Variants in SCAF1 observed in about 807,000 individuals in gnomAD.
The protein encoded by SCAF1 is SR-related CTD associated factor 1, also known as splicing factor, arginine/serine-rich 19.
SCAF1 carries 28 observed loss-of-function variants against 91.2 expected under a neutral mutation model. That is an observed-to-expected ratio of 0.31 (90% CI 0.23 to 0.42). The LOEUF is 0.42. Among genes scored for constraint, SCAF1 ranks in the 10% least tolerant of loss-of-function variants. The probability of loss-of-function intolerance (pLI) is 1.00; values close to 1 mark genes in which losing one functional copy is unlikely to be tolerated. For synonymous variants in SCAF1, 1,036 were observed against 833.7 expected, an observed-to-expected ratio of 1.24 and a Z score of -4.18; for missense variants, 1,893 against 1,872.1, an observed-to-expected ratio of 1.01 and a Z score of -0.21.
At chr19:49,644,575 T>C (rs2081043859) in intron 1 of SCAF1, among the ~76,000 whole-genome samples, 1 of 152,144 alleles carries the variant, frequency 6.6e-6, no homozygotes, top group South Asian at 2.1e-4. Context: ...GCCCAGCACA[T>C]TGGCCTTGGG....
rs2081106524 is a variant in SCAF1, at chr19:49,652,666, C to T, written c.2277C>T (p.Ser759=). 2 of 1,563,938 alleles carry T rather than the reference C, an allele frequency of 1.3e-6. No individual in the cohort carries two copies. Among genetic ancestry groups the T allele is most frequent in the Non-Finnish European group, 1.7e-6 (2 of 1,154,382 alleles). Residue 759 remains serine, a synonymous_variant, in exon 7 of 11, where the codon TCC becomes TCT. Transcript: ENST00000360565. ...KDRRRSGAAS[S]SSSSREKGSR... ...GGCGCCGCTCGGGGGCCGCCTCCTC[C>T]TCCTCCTCTTCCCGGGAGAAGGGGT...
rs766474191 is a variant in SCAF1 at position 49,646,596 on chromosome 19, T to A, written c.332T>A (p.Val111Asp). The A allele has an allele frequency of 2.5e-6, 4 of 1,614,084 alleles. No individual in the cohort carries two copies. The highest frequency in any genetic ancestry group is 3.4e-6 in the Non-Finnish European group (4 of 1,180,004). ...GTCCTGGATCCCCCGGATACCTGGG[T>A]TCCCAGCCGCCTGGACCTGCGGCCT... is the stretch of plus-strand genomic sequence containing the variant. Reference protein sequence around the residue: ...VSVLDPPDTWVPSRLDLRPGE... With the variant: ...VSVLDPPDTWDPSRLDLRPGE... The change falls in exon 5 of 11, where the codon GTT becomes GAT. Residue 111 changes from valine (V) to aspartate (D), a missense_variant. By Grantham distance (152) the Val-to-Asp change is radical. Around this residue, in one of 5 missense-constraint regions of SCAF1, gnomAD observed 270 missense variants for 292.5 expected, o/e 0.92. Coordinates refer to ENST00000360565, the MANE Select transcript of SCAF1 (RefSeq NM_021228.3). The surrounding 1 kb of genome is among the most constrained non-coding windows in gnomAD (Gnocchi z 5.6).
Position 49,645,355 on chromosome 19 carries a change from G to A in SCAF1, c.110G>A (p.Arg37Gln), listed in dbSNP as rs755223991. Reference sequence around the variant, plus strand: ...CTTGGTTCTTCCCCCCTTCCCCAGCGAGCCATCCAGCAGGCTGTGGGAAGC... The same window carrying A: ...CTTGGTTCTTCCCCCCTTCCCCAGCAAGCCATCCAGCAGGCTGTGGGAAGC... ...PTLSPSAFIL[R>Q]AIQQAVGSSL... Residue 37 changes from arginine to glutamine, a missense_variant and splice_region_variant, in exon 3 of 11, where the codon CGA (arginine) becomes CAA (glutamine). Physicochemically the swap from Arg to Gln is conservative, Grantham distance 43 (BLOSUM62 1). Transcript: ENST00000360565. The surrounding 1 kb of genome is among the most constrained non-coding windows in gnomAD (Gnocchi z 4.6). 3.7e-6 allele frequency: 6 copies of A among 1,613,960 alleles called. No individual in the cohort carries two copies. The highest frequency in any genetic ancestry group is 1.1e-5 in the South Asian group (1 of 91,082).
Position 49,652,001 on chromosome 19 carries a change from G to A in SCAF1, c.1612G>A (p.Gly538Ser), listed in dbSNP as rs1357340684. The A allele has an allele frequency of 8.3e-7, 1 of 1,198,668 alleles. No individual in the cohort carries two copies. Among genetic ancestry groups the A allele is most frequent in the Non-Finnish European group, 1.0e-6 (1 of 957,510 alleles). The allele number at this position is 1,198,668 out of a possible 1,614,324, so 74.3% of individuals were successfully genotyped here. The change falls in exon 7 of 11, where the codon GGC becomes AGC. Residue 538 changes from glycine (G) to serine (S), a missense_variant. Around this residue, in one of 5 missense-constraint regions of SCAF1, gnomAD observed 1,436 missense variants for 1,306.8 expected, o/e 1.10. Transcript: ENST00000360565. ...EAKEAASSSS[G>S]TQPAPPAPAS... is the part of the protein sequence containing the mutation. ...CAAGGAGGCCGCCTCGTCCTCGTCG[G>A]GCACCCAGCCAGCGCCGCCCGCCCC...
At position 49,646,330 on chromosome 19, in the gene SCAF1, T is replaced by C. The variant is rs1398615541; in HGVS notation, c.261+128T>C. On this transcript the variant is annotated intron_variant, in intron 4 of 10. Coordinates refer to ENST00000360565, the MANE Select transcript of SCAF1 (RefSeq NM_021228.3). This position sits in a 1 kb window ranked among gnomAD's most constrained non-coding sequence, Gnocchi z 5.6. ...GCTCTGCGATGCTGACCAGGGGCAA[T>C]GTTGGAGAGTCTGGGGGCCTGATCT... 1.3e-5 allele frequency: 12 copies of C among 896,860 alleles called. No homozygotes were observed. Among genetic ancestry groups the C allele is most frequent in the Non-Finnish European group, 1.7e-5 (10 of 593,594 alleles). The allele number at this position is 896,860 out of a possible 1,614,324, so 55.6% of individuals were successfully genotyped here. A position where few individuals can be genotyped will look rare whatever the true frequency, so the allele number is the denominator to read the frequency against.
At chr19:49,655,225 T>A (rs558598190) in intron 9 of SCAF1, among the ~76,000 whole-genome samples, 2 of 152,194 alleles carry the variant, frequency 1.3e-5, no homozygotes, top group Admixed American at 1.3e-4. Context: ...GAATGAAAAC[T>A]CAAGAACCTG....
chr19:49,658,517 A>G lies in SCAF1; in HGVS notation c.*118A>G. On this transcript the variant is annotated 3_prime_UTR_variant, in exon 11 of 11. Coordinates refer to ENST00000360565, the MANE Select transcript of SCAF1 (RefSeq NM_021228.3). ...GACTGGGGGAGGGTTGCTGCAGGGA[A>G]GAGGAGAGCCCCCTGCCCTGCCCTG... is the stretch of plus-strand genomic sequence containing the variant. The G allele has an allele frequency of 1.5e-6, 1 of 655,104 alleles. No homozygotes were observed. Among genetic ancestry groups the G allele is most frequent in the East Asian group, 2.7e-5 (1 of 36,740 alleles). 40.6% of individuals were successfully genotyped at this position (655,104 alleles called of 1,614,324 possible).
At position 49,651,524 on chromosome 19, in the gene SCAF1, C is replaced by T; in HGVS notation, c.1135C>T (p.Leu379Phe). Residue 379 changes from leucine to phenylalanine, a missense_variant, in exon 7 of 11, where the codon CTC becomes TTC. Around this residue, in one of 5 missense-constraint regions of SCAF1, gnomAD observed 1,436 missense variants for 1,306.8 expected, o/e 1.10. Coordinates refer to ENST00000360565, the MANE Select transcript of SCAF1 (RefSeq NM_021228.3). Reference protein sequence around the residue: ...VEVVTAGGAALPPPLLPPGDS... With the variant: ...VEVVTAGGAAFPPPLLPPGDS... ...GGTGGTGACCGCTGGTGGAGCCGCC[C>T]TCCCGCCGCCCCTGCTGCCGCCCGG... 1 of 1,567,450 alleles carries T rather than the reference C, an allele frequency of 6.4e-7. No individual in the cohort carries two copies.
At chr19:49,654,188 C>T (rs2081123570) in intron 7 of SCAF1, among the ~76,000 whole-genome samples, 161 bp from the exon 8 acceptor site, 1 of 152,206 alleles carries the variant, frequency 6.6e-6, no homozygotes, top group Admixed American at 6.5e-5. Context: ...GGGCTGTTCT[C>T]TCATTGGCCA....
intron 9 of SCAF1, among the ~76,000 whole-genome samples, chr19:49,656,153 A>G (rs1366674993): frequency 7.2e-6 from 1 of 139,438 alleles, no homozygotes; most frequent in African/African-American, 3.1e-5. Context: ...GCGCTGCAGG[A>G]CTCGGACGGT....
rs1319793107 is a variant in SCAF1, at chr19:49,651,497, G to C, written c.1108G>C (p.Glu370Gln). The change falls in exon 7 of 11, where the codon GAG (glutamate) becomes CAG (glutamine). Residue 370 changes from glutamate (E) to glutamine (Q), a missense_variant. Coordinates refer to ENST00000360565, the MANE Select transcript of SCAF1 (RefSeq NM_021228.3). ...EACREGKVSV[E>Q]VVTAGGAALP... ...TTGTCGGGAAGGCAAGGTCTCGGTGGAGGTGGTGACCGCTGGTGGAGCCGC... is the reference window on the plus strand; with the variant it reads ...TTGTCGGGAAGGCAAGGTCTCGGTGCAGGTGGTGACCGCTGGTGGAGCCGC... 6.3e-7 allele frequency: 1 copy of C among 1,577,988 alleles called. No homozygotes were observed. Among genetic ancestry groups the C allele is most frequent in the Non-Finnish European group, 8.6e-7 (1 of 1,164,334 alleles).
chr19:49,656,560 T>C (rs1226800732), intron 9 of SCAF1, among the ~76,000 whole-genome samples: 1 of 152,224 alleles, frequency 6.6e-6, no homozygotes, highest in Non-Finnish European at 1.5e-5. Context: ...CGTGGCTCTC[T>C]GGCTAGAGGT....
At chr19:49,644,887 G>A (rs2081045696) in intron 1 of SCAF1, 134 bp from the exon 2 acceptor site, 2 of 639,792 alleles carry the variant, frequency 3.1e-6, no homozygotes, top group Non-Finnish European at 2.8e-6. Context: ...GTGGGAGGAG[G>A]TGGAGGAGAG....
rs561671993 is a variant in SCAF1, at chr19:49,651,622, C to G, written c.1233C>G (p.Arg411=). The G allele has an allele frequency of 1.4e-5, 21 of 1,461,928 alleles. No homozygotes were observed. In the East Asian group the frequency reaches 5.6e-4, roughly 39 times the overall value. 90.6% of individuals were successfully genotyped at this position (1,461,928 alleles called of 1,614,324 possible). A position where few individuals can be genotyped will look rare whatever the true frequency, so the allele number is the denominator to read the frequency against. The change falls in exon 7 of 11, where the codon CGC becomes CGG. Residue 411 remains arginine, a synonymous_variant. Transcript: ENST00000360565. ...EEPRLALSLF[R]PGGRAARPTP... The stretch of plus-strand genomic sequence containing the variant: ...CCAGGCTGGCGCTGTCCCTCTTCCG[C>G]CCCGGCGGCCGGGCCGCCCGGCCTA...
rs1211017547 is a variant in SCAF1, at chr19:49,645,210, C to T, written c.108+76C>T. 5.3e-6 allele frequency: 8 copies of T among 1,511,938 alleles called. No homozygotes were observed. 93.7% of individuals were successfully genotyped at this position (1,511,938 alleles called of 1,614,324 possible). A position where few individuals can be genotyped will look rare whatever the true frequency, so the allele number is the denominator to read the frequency against. ...CACTCCAGGGGCCTGACTCCAGGGC[C>T]TGAGGCAGGGGCGCTGGACTCTTGG... On this transcript the variant is annotated intron_variant, in intron 2 of 10. Transcript: ENST00000360565. The surrounding 1 kb of genome is among the most constrained non-coding windows in gnomAD (Gnocchi z 4.6).
intron 6 of SCAF1, among the ~76,000 whole-genome samples, chr19:49,649,788 C>G (rs541912628): frequency 1.6e-4 from 25 of 152,358 alleles, no homozygotes; most frequent in African/African-American, 6.0e-4. Context: ...AGCCACCCCA[C>G]CCGGCCATAA....
Position 49,651,970 on chromosome 19 carries a change from C to A in SCAF1, c.1581C>A (p.Gly527=). ...CCAGGCGGGAACGCAAGCGCAGCGG[C>A]GAGGCCAAGGAGGCCGCCTCGTCCT... The part of the protein sequence containing the change: ...KKSRRERKRS[G]EAKEAASSSS... The change falls in exon 7 of 11, where the codon GGC becomes GGA. Residue 527 remains glycine (G), a synonymous_variant. Coordinates refer to ENST00000360565, the MANE Select transcript of SCAF1 (RefSeq NM_021228.3). 2 of 1,198,912 alleles carry A rather than the reference C, an allele frequency of 1.7e-6. No individual in the cohort carries two copies. Among genetic ancestry groups the A allele is most frequent in the South Asian group, 1.8e-5 (1 of 57,058 alleles). The allele number at this position is 1,198,912 out of a possible 1,614,324, so 74.3% of individuals were successfully genotyped here. A position where few individuals can be genotyped will look rare whatever the true frequency, so the allele number is the denominator to read the frequency against.
intron 6 of SCAF1, among the ~76,000 whole-genome samples, chr19:49,648,568 C>CCG (rs2081068559): frequency 1.3e-5 from 2 of 150,998 alleles, no homozygotes; most frequent in African/African-American, 4.9e-5. Context: ...ACACCCCCCC[C>CCG]CCTTTTTTTT....
intron 9 of SCAF1, 147 bp downstream of exon 9, chr19:49,655,017 C>T: frequency 3.1e-6 from 2 of 643,282 alleles, no homozygotes; most frequent in Non-Finnish European, 5.2e-6. Flanking sequence ...CCATAAGGAA[C>T]TCCACTTTGC....
Sources: allele counts gnomAD v4.1 joint callset (sites outside exome capture counted in the v4.1 genomes callset), GRCh38; gene constraint gnomAD v4.1.1; regional missense constraint gnomAD v4.1.1; non-coding constraint Gnocchi (gnomAD v3.1); transcripts MANE v1.5; gene names NCBI Gene and HGNC (gene_info 2026-07-23, HGNC 2026-07-21).